ATN1: variants seen among roughly 807,000 people sequenced by gnomAD.
ATN1 encodes atrophin-1.
In ATN1, 19 loss-of-function variants were observed where a neutral mutation model predicts 85.8. That is an observed-to-expected ratio of 0.22 (90% CI 0.15 to 0.32). The LOEUF is 0.32. Ranked by LOEUF, ATN1 falls within the 10% of genes least tolerant of loss-of-function variation. The probability of loss-of-function intolerance (pLI) is 1.00; values close to 1 mark genes in which losing one functional copy is unlikely to be tolerated. For missense variants in ATN1, 1,453 were observed against 1,564.5 expected (o/e 0.93, Z 1.20); for synonymous variants, 674 against 657.0 (o/e 1.03, Z -0.39).
upstream of ATN1, among the ~76,000 whole-genome samples, chr12:6,926,170 G>T (rs781859576): frequency 6.6e-6 from 1 of 152,300 alleles, no homozygotes; most frequent in Admixed American, 6.5e-5. Flanking sequence ...GGAGCCTGCA[G>T]TCTGTGGTGG....
rs1207039479 is a variant in ATN1, at chr12:6,936,247, G to A, written c.980G>A (p.Gly327Asp). The A allele has an allele frequency of 6.2e-7, 1 of 1,608,366 alleles. No homozygotes were observed. Among genetic ancestry groups the A allele is most frequent in the Non-Finnish European group, 8.5e-7 (1 of 1,176,586 alleles). Residue 327 changes from glycine to aspartate, a missense_variant, in exon 5 of 10, where the codon GGT becomes GAT. Gly to Asp is a moderately conservative substitution (Grantham distance 94). Around this residue, in one of 6 missense-constraint regions of ATN1, gnomAD observed 990 missense variants for 914.8 expected, o/e 1.08. Coordinates refer to ENST00000396684, the MANE Select transcript of ATN1 (RefSeq NM_001940.4). ...GGCCTGGGGGCCCAACCACTACCTG[G>A]TCATCTGCCCTCTCCCCACGCCATG... ...PPGLGAQPLP[G>D]HLPSPHAMGQ...
chr12:6,931,327 G>A (rs982500755), intron 1 of ATN1, among the ~76,000 whole-genome samples: 8 of 144,260 alleles, frequency 5.5e-5, no homozygotes, highest in East Asian at 2.0e-4. Context: ...GTTGTTCTTC[G>A]GATTTTTTTT....
chr12:6,929,506 AC>A, intron 1 of ATN1, among the ~76,000 whole-genome samples: 1 of 152,252 alleles, frequency 6.6e-6, no homozygotes, highest in South Asian at 2.1e-4. Flanking sequence ...ACCTTTTGCC[AC>A]TGTGTTGCTA....
chr12:6,937,890 C>T lies in ATN1; in HGVS notation c.2340C>T (p.Ser780=), dbSNP rs1555144074. The change falls in exon 6 of 10, where the codon AGC becomes AGT. Residue 780 remains serine (S), a synonymous_variant. Coordinates refer to ENST00000396684, the MANE Select transcript of ATN1 (RefSeq NM_001940.4). The surrounding 1 kb of genome is among the most constrained non-coding windows in gnomAD (Gnocchi z 6.0). The part of the protein sequence containing the change: ...LDRGFNSCAR[S]DLYFVPLEGS... ...GCGGCTTCAACTCGTGCGCGCGCAGCGACCTGTACTTCGTGCCACTGGAGG... is the reference window on the plus strand; with the variant it reads ...GCGGCTTCAACTCGTGCGCGCGCAGTGACCTGTACTTCGTGCCACTGGAGG... 2.5e-6 allele frequency: 4 copies of T among 1,594,558 alleles called. No individual in the cohort carries two copies. Among genetic ancestry groups the T allele is most frequent in the Admixed American group, 1.7e-5 (1 of 57,856 alleles).
rs1295558222 is a variant in ATN1, at chr12:6,938,609, C to T, written c.2646C>T (p.Ala882=). The T allele has an allele frequency of 3.7e-6, 6 of 1,614,136 alleles. No homozygotes were observed. In the Admixed American group the frequency reaches 8.3e-5, roughly 22 times the overall value. The stretch of plus-strand genomic sequence containing the variant: ...CCTACCTGGGTCCTGACACTCCAGC[C>T]TTGCGCACTCTCAGTGAATATGCCC... ...VPPYLGPDTP[A]LRTLSEYARP... Residue 882 remains alanine, a synonymous_variant, in exon 7 of 10, where the codon GCC becomes GCT. Transcript: ENST00000396684.
In ATN1 at chr12:6,938,796, C is replaced by T; in HGVS notation, c.2833C>T (p.Arg945Cys). ...REARERDLRD[R>C]LKPGFEVKPS... is the part of the protein sequence containing the mutation. ...AGCCCGTGAACGAGACCTCCGTGAC[C>T]GCCTCAAGCCTGGCTTTGAGGTGAA... The change falls in exon 7 of 10, where the codon CGC becomes TGC. Residue 945 changes from arginine to cysteine, a missense_variant. Coordinates refer to ENST00000396684, the MANE Select transcript of ATN1 (RefSeq NM_001940.4). The T allele has an allele frequency of 6.2e-7, 1 of 1,614,152 alleles. No homozygotes were observed. Among genetic ancestry groups the T allele is most frequent in the South Asian group, 1.1e-5 (1 of 91,090 alleles).
At position 6,936,757 on chromosome 12, in the gene ATN1, A is replaced by AGCG. The variant is rs1945544651; in HGVS notation, c.1492_1493insGGC (p.Gln497_Gln498insArg). The AGCG allele has an allele frequency of 6.2e-7, 1 of 1,602,956 alleles. No individual in the cohort carries two copies. The highest frequency in any genetic ancestry group is 8.5e-7 in the Non-Finnish European group (1 of 1,172,560). On this transcript the variant is annotated inframe_insertion, in exon 5 of 10. Coordinates refer to ENST00000396684, the MANE Select transcript of ATN1 (RefSeq NM_001940.4). Reference sequence around the variant, plus strand: ...CAGCAGCAGCAGCAGCAGCAGCAGCAGCAGCAGCAGCAGCAGCATCACGGA... The same window carrying AGCG: ...CAGCAGCAGCAGCAGCAGCAGCAGCAGCGGCAGCAGCAGCAGCAGCATCACGGA...
In ATN1 at chr12:6,937,628, G is replaced by A; in HGVS notation, c.2294+67G>A. ...CGACGACAAGGCGGCGACGAGAGAG[G>A]GAGTAGCAGGGAGGGGCCTTGCGCT... On this transcript the variant is annotated intron_variant, in intron 5 of 9. Transcript: ENST00000396684. This position sits in a 1 kb window ranked among gnomAD's most constrained non-coding sequence, Gnocchi z 6.0. 3 of 1,438,930 alleles carry A rather than the reference G, an allele frequency of 2.1e-6. No individual in the cohort carries two copies. Among genetic ancestry groups the A allele is most frequent in the South Asian group, 1.4e-5 (1 of 69,380 alleles). The allele number at this position is 1,438,930 out of a possible 1,614,324, so 89.1% of individuals were successfully genotyped here. A position where few individuals can be genotyped will look rare whatever the true frequency, so the allele number is the denominator to read the frequency against.
At position 6,933,704 on chromosome 12, in the gene ATN1, A is replaced by G. The variant is rs782524141; in HGVS notation, c.-162-136A>G. ...AGGTAGCCCATGGGGCATGCCAGCA[A>G]TGTCTTGTGGTATCTGTACCTCTTG... On this transcript the variant is annotated intron_variant, in intron 1 of 9. Transcript: ENST00000396684. 10 of 497,334 alleles carry G rather than the reference A, an allele frequency of 2.0e-5. No homozygotes were observed. The South Asian group carries it at 2.4e-4, about 12-fold the overall frequency. 30.8% of individuals were successfully genotyped at this position (497,334 alleles called of 1,614,324 possible).
At chr12:6,938,193 G>C (rs1233736221) in intron 6 of ATN1, 126 bp downstream of exon 6, 13 of 1,433,768 alleles carry the variant, frequency 9.1e-6, no homozygotes, top group Non-Finnish European at 1.1e-5. Flanking sequence ...GTCGCCACCT[G>C]TCGGAGGGGA....
At chr12:6,927,726 C>G (rs1271660897), upstream of ATN1, among the ~76,000 whole-genome samples, 1 of 151,828 alleles carries the variant, frequency 6.6e-6, no homozygotes. Flanking sequence ...CTCCTCCGTT[C>G]CTCCGCGCTC....
At chr12:6,932,888 G>T (rs1285937645) in intron 1 of ATN1, among the ~76,000 whole-genome samples, 2 of 152,214 alleles carry the variant, frequency 1.3e-5, no homozygotes, top group African/African-American at 4.8e-5. Context: ...TGTGAGAAAA[G>T]ATTCTTTTCA....
chr12:6,938,083 C>A lies in ATN1; in HGVS notation c.2517+16C>A. ...ACGCAGCGTGGTGAGTGCGTCACTG[C>A]CTGCGCCACCGCCTTCTTTCCCTCT... On this transcript the variant is annotated intron_variant, in intron 6 of 9. Transcript: ENST00000396684. 6.5e-7 allele frequency: 1 copy of A among 1,533,320 alleles called. No homozygotes were observed. The highest frequency in any genetic ancestry group is 1.2e-5 in the South Asian group (1 of 82,858). The allele number at this position is 1,533,320 out of a possible 1,614,324, so 95.0% of individuals were successfully genotyped here. A position where few individuals can be genotyped will look rare whatever the true frequency, so the allele number is the denominator to read the frequency against.
rs781947193 is a variant in ATN1 at position 6,937,115 on chromosome 12, G to C, written c.1848G>C (p.Thr616=). 5 of 1,611,628 alleles carry C rather than the reference G, an allele frequency of 3.1e-6. No individual in the cohort carries two copies. Among genetic ancestry groups the C allele is most frequent in the Non-Finnish European group, 4.2e-6 (5 of 1,179,994 alleles). Reference sequence around the variant, plus strand: ...CCACCTCTTCGGCTACCCTTTCCACGGTCATTGCCACCGTGGCTTCCTCGC... The same window carrying C: ...CCACCTCTTCGGCTACCCTTTCCACCGTCATTGCCACCGTGGCTTCCTCGC... The part of the protein sequence containing the change: ...TVTTSSATLS[T]VIATVASSPA... Residue 616 remains threonine (T), a synonymous_variant, in exon 5 of 10, where the codon ACG becomes ACC. Coordinates refer to ENST00000396684, the MANE Select transcript of ATN1 (RefSeq NM_001940.4). The surrounding 1 kb of genome is among the most constrained non-coding windows in gnomAD (Gnocchi z 6.0).
chr12:6,940,752 C>T, intron 7 of ATN1, 128 bp from the exon 8 acceptor site: 2 of 1,179,012 alleles, frequency 1.7e-6, no homozygotes, highest in Middle Eastern at 2.7e-4. Context: ...TTCCACTCTG[C>T]CTTTGTTCCA....
rs1249381837 is a variant in ATN1 at position 6,937,255 on chromosome 12, C to A, written c.1988C>A (p.Pro663His). 24 of 1,611,392 alleles carry A rather than the reference C, an allele frequency of 1.5e-5. No individual in the cohort carries two copies. Among genetic ancestry groups the A allele is most frequent in the Non-Finnish European group, 1.9e-5 (23 of 1,179,560 alleles). Residue 663 changes from proline to histidine, a missense_variant, in exon 5 of 10, where the codon CCC becomes CAC. By Grantham distance (77) the Pro-to-His change is moderately conservative (BLOSUM62 -2). Coordinates refer to ENST00000396684, the MANE Select transcript of ATN1 (RefSeq NM_001940.4). The surrounding 1 kb of genome is among the most constrained non-coding windows in gnomAD (Gnocchi z 6.0). ...TPPGYKPGSP[P>H]SFRTGTPPGY... ...CCCGGATACAAACCCGGGTCGCCTC[C>A]CTCCTTCCGAACGGGGACCCCACCG...
chr12:6,937,124 C>T lies in ATN1; in HGVS notation c.1857C>T (p.Ala619=), dbSNP rs1555143894. ...TSSATLSTVI[A]TVASSPAGYK... is the part of the protein sequence containing the mutation. ...CGGCTACCCTTTCCACGGTCATTGC[C>T]ACCGTGGCTTCCTCGCCAGCAGGCT... The change falls in exon 5 of 10, where the codon GCC becomes GCT. Residue 619 remains alanine (A), a synonymous_variant. Transcript: ENST00000396684. The surrounding 1 kb of genome is among the most constrained non-coding windows in gnomAD (Gnocchi z 6.0). 2.5e-6 allele frequency: 4 copies of T among 1,611,770 alleles called. No individual in the cohort carries two copies. Among genetic ancestry groups the T allele is most frequent in the Non-Finnish European group, 3.4e-6 (4 of 1,180,012 alleles).
chr12:6,935,069 G>T lies in ATN1; in HGVS notation c.280-478G>T, dbSNP rs782060727. On this transcript the variant is annotated intron_variant, in intron 4 of 9. Coordinates refer to ENST00000396684, the MANE Select transcript of ATN1 (RefSeq NM_001940.4). The surrounding 1 kb of genome is among the most constrained non-coding windows in gnomAD (Gnocchi z 5.3). ...TGCCCGGCTAATTTTTGTATTTTTG[G>T]TAGAGACAGTGTTTCACCATGTTGG... is the stretch of plus-strand genomic sequence containing the variant. 1.3e-5 allele frequency among the ~76,000 whole-genome samples: 2 copies of T among 152,194 alleles called. No homozygotes were observed. Among genetic ancestry groups the T allele is most frequent in the East Asian group, 3.9e-4 (2 of 5,174 alleles).
chr12:6,935,229 G>C lies in ATN1; in HGVS notation c.280-318G>C, dbSNP rs1555143416. Among the ~76,000 whole-genome samples, 1 of 152,186 alleles carries C rather than the reference G, an allele frequency of 6.6e-6. No individual in the cohort carries two copies. Among genetic ancestry groups the C allele is most frequent in the Non-Finnish European group, 1.5e-5 (1 of 68,032 alleles). On this transcript the variant is annotated intron_variant, in intron 4 of 9. Coordinates refer to ENST00000396684, the MANE Select transcript of ATN1 (RefSeq NM_001940.4). The surrounding 1 kb of genome is among the most constrained non-coding windows in gnomAD (Gnocchi z 5.3). ...CCAAGGGCTTGGGGGATGGAGGATG[G>C]TTAAAGTGGTGGTTATGAGATGGTG...
Sources: gnomAD v4.1 joint callset for allele counts (sites outside exome capture counted in the v4.1 genomes callset) on GRCh38, gnomAD v4.1.1 for gene constraint, gnomAD v4.1.1 regional missense constraint, Gnocchi (gnomAD v3.1) non-coding constraint, MANE v1.5 for transcripts, NCBI Gene and HGNC (gene_info 2026-07-23, HGNC 2026-07-21) for gene names.